RYR3: variants seen among roughly 807,000 people sequenced by gnomAD.
The protein encoded by RYR3 is ryanodine receptor 3.
A neutral mutation model predicts 584.3 loss-of-function variants in RYR3; 207 were observed. The observed-to-expected ratio is 0.35, with a 90% confidence interval of 0.32 to 0.40. RYR3 has a LOEUF of 0.40. Ranked by LOEUF, RYR3 falls within the 10% of genes least tolerant of loss-of-function variation. The pLI, the probability that RYR3 is intolerant of heterozygous loss-of-function variation, is 1.00. For missense variants in RYR3, 5,616 were observed against 6,089.2 expected (o/e 0.92, Z 2.59); for synonymous variants, 2,416 against 2,248.5 (o/e 1.07, Z -2.11).
At chr15:33,586,566 T>C (rs2058857547) in intron 16 of RYR3, among the ~76,000 whole-genome samples, 1 of 152,228 alleles carries the variant, frequency 6.6e-6, no homozygotes, top group Admixed American at 6.5e-5. Context: ...AGATTTACTA[T>C]GAGTGAAACC....
At chr15:33,819,329 A>G (rs1799202075) in intron 76 of RYR3, among the ~76,000 whole-genome samples, 2 of 152,182 alleles carry the variant, frequency 1.3e-5, no homozygotes, top group Non-Finnish European at 2.9e-5. Flanking sequence ...ACTAGTACTT[A>G]TAATTTGAGA....
intron 70 of RYR3, among the ~76,000 whole-genome samples, chr15:33,808,854 C>T (rs2076349557): frequency 2.6e-5 from 4 of 152,180 alleles, no homozygotes; most frequent in Admixed American, 2.6e-4. Flanking sequence ...CCTCCCACTG[C>T]TGTCCAAGGG....
At position 33,757,484 on chromosome 15, in the gene RYR3, C is replaced by A; in HGVS notation, c.8593C>A (p.Pro2865Thr). ...CTGGTGCGTTTCCCAGGTTCTCCTC[C>A]CGCTGGTTGACCAGTACTTCACCAG... is the stretch of plus-strand genomic sequence containing the variant. ...EIKFFAKVLL[P>T]LVDQYFTSHC... The change falls in exon 60 of 104, where the codon CCG becomes ACG. Residue 2865 changes from proline (P) to threonine (T), a missense_variant. Physicochemically the swap from Pro to Thr is conservative, Grantham distance 38 (BLOSUM62 -1). Around this residue, in one of 9 missense-constraint regions of RYR3, gnomAD observed 1,280 missense variants for 1,426.2 expected, o/e 0.90. Transcript: ENST00000634891. The A allele has an allele frequency of 1.2e-6, 2 of 1,606,938 alleles. No individual in the cohort carries two copies. Among genetic ancestry groups the A allele is most frequent in the Non-Finnish European group, 1.7e-6 (2 of 1,176,926 alleles).
chr15:33,449,642 A>G (rs1430925606), intron 1 of RYR3, among the ~76,000 whole-genome samples: 2 of 152,230 alleles, frequency 1.3e-5, no homozygotes, highest in Non-Finnish European at 2.9e-5. Context: ...CCCATGCTGA[A>G]TATAAAAATA....
At position 33,788,256 on chromosome 15, in the gene RYR3, C is replaced by T. The variant is rs1296762347; in HGVS notation, c.9628C>T (p.Leu3210=). The change falls in exon 67 of 104, where the codon CTG becomes TTG. Residue 3210 remains leucine, a synonymous_variant. Coordinates refer to ENST00000634891, the MANE Select transcript of RYR3 (RefSeq NM_001036.6). ...CATCATCAGCAAAGCCAGGCCCGACCTGCTGAGAAGCCACTTCATCCCAAC... is the reference window on the plus strand; with the variant it reads ...CATCATCAGCAAAGCCAGGCCCGACTTGCTGAGAAGCCACTTCATCCCAAC... ...QPIISKARPD[L]LRSHFIPTLE... The T allele has an allele frequency of 1.2e-6, 2 of 1,613,980 alleles. No homozygotes were observed. The highest frequency in any genetic ancestry group is 4.5e-5 in the East Asian group (2 of 44,882).
Position 33,499,173 on chromosome 15 carries a change from C to T in RYR3, c.172-4458C>T, listed in dbSNP as rs537821247. On this transcript the variant is annotated intron_variant, in intron 2 of 103. Coordinates refer to ENST00000634891, the MANE Select transcript of RYR3 (RefSeq NM_001036.6). ...ACTTCTAACCTCCCCATGCTTACTC[C>T]CCTCCCTCTCTCTCCCTCCCCTTCC... 5.3e-5 allele frequency among the ~76,000 whole-genome samples: 8 copies of T among 150,742 alleles called. No individual in the cohort carries two copies. The South Asian group carries it at 1.3e-3, about 24-fold the overall frequency.
rs146698534 is a variant in RYR3, at chr15:33,626,983, C to T, written c.2575-1488C>T. 3.9e-5 allele frequency among the ~76,000 whole-genome samples: 6 copies of T among 152,292 alleles called. No individual in the cohort carries two copies. In the East Asian group the frequency reaches 1.2e-3, roughly 29 times the overall value. Reference sequence around the variant, plus strand: ...AAAATGTGGGATTGAAGCCCCCACACAGAGTCCTCACTGGGACACTGCCTA... The same window carrying T: ...AAAATGTGGGATTGAAGCCCCCACATAGAGTCCTCACTGGGACACTGCCTA... On this transcript the variant is annotated intron_variant, in intron 20 of 103. Transcript: ENST00000634891.
At chr15:33,641,557 A>C (rs1304168252) in intron 27 of RYR3, among the ~76,000 whole-genome samples, 1 of 152,210 alleles carries the variant, frequency 6.6e-6, no homozygotes, top group Non-Finnish European at 1.5e-5. Context: ...GAGGGAGCTG[A>C]TTAAATGTAT....
At chr15:33,453,287 A>G (rs1035080252) in intron 1 of RYR3, among the ~76,000 whole-genome samples, 5 of 152,320 alleles carry the variant, frequency 3.3e-5, no homozygotes, top group East Asian at 1.9e-4. Context: ...TAGGCATTCT[A>G]TGTCGATTTA....
rs777864840 is a variant in RYR3, at chr15:33,739,998, G to A, written c.7820+3G>A. The A allele has an allele frequency of 1.2e-6, 2 of 1,613,514 alleles. No individual in the cohort carries two copies. Among genetic ancestry groups the A allele is most frequent in the Admixed American group, 1.7e-5 (1 of 60,004 alleles). On this transcript the variant is annotated splice_donor_region_variant and intron_variant, in intron 51 of 103. Coordinates refer to ENST00000634891, the MANE Select transcript of RYR3 (RefSeq NM_001036.6). ...CCAAAACCTATTAACACCATGAAGT[G>A]AGTCCAGAATCATCTCTGAGCTGGT...
At chr15:33,677,678 T>C (rs1239481977) in intron 38 of RYR3, among the ~76,000 whole-genome samples, 1 of 152,206 alleles carries the variant, frequency 6.6e-6, no homozygotes, top group Non-Finnish European at 1.5e-5. Context: ...TGTATCTGTC[T>C]GGCTAGGGAA....
At chr15:33,659,040 T>G (rs527428595) in intron 32 of RYR3, among the ~76,000 whole-genome samples, 1 of 152,338 alleles carries the variant, frequency 6.6e-6, no homozygotes, top group South Asian at 2.1e-4. Flanking sequence ...CTTTTGCCCT[T>G]CACAGAACAT....
At chr15:33,595,439 G>T (rs1302936524) in intron 16 of RYR3, among the ~76,000 whole-genome samples, 2 of 152,248 alleles carry the variant, frequency 1.3e-5, no homozygotes, top group East Asian at 1.9e-4. Context: ...TGACACAGGG[G>T]TCCATATACT....
At chr15:33,646,621 C>T in intron 29 of RYR3, 95 bp downstream of exon 29, 1 of 1,110,714 alleles carries the variant, frequency 9.0e-7, no homozygotes, top group Non-Finnish European at 1.3e-6. Context: ...AGGAACTCCA[C>T]TGATAGGGTT....
chr15:33,704,393 C>G (rs1312336533), intron 42 of RYR3, among the ~76,000 whole-genome samples: 1 of 152,072 alleles, frequency 6.6e-6, no homozygotes, highest in African/African-American at 2.4e-5. Context: ...GTGAAAATGA[C>G]CAGACCAGAG....
At chr15:33,479,209 G>A (rs2049726275) in intron 2 of RYR3, among the ~76,000 whole-genome samples, 1 of 152,088 alleles carries the variant, frequency 6.6e-6, no homozygotes. Context: ...AATTAAGATT[G>A]CATCTTTGGC....
chr15:33,515,579 T>G (rs1167401087), intron 3 of RYR3, among the ~76,000 whole-genome samples: 2 of 152,248 alleles, frequency 1.3e-5, no homozygotes, highest in Non-Finnish European at 2.9e-5. Context: ...TTTCCCCAAG[T>G]GGAGCTACCT....
At position 33,646,446 on chromosome 15, in the gene RYR3, T is replaced by C. The variant is rs1281019795; in HGVS notation, c.3861T>C (p.Tyr1287=). The C allele has an allele frequency of 1.2e-6, 2 of 1,614,006 alleles. No individual in the cohort carries two copies. The highest frequency in any genetic ancestry group is 1.1e-5 in the South Asian group (1 of 91,086). ...GTQNSNADMI[Y]CRLSMPVECH... ...AGAATAGCAATGCCGACATGATCTA[T>C]TGCCGCTTGAGCATGCCTGTCGAGT... Residue 1287 remains tyrosine, a synonymous_variant, in exon 29 of 104, where the codon TAT becomes TAC. Coordinates refer to ENST00000634891, the MANE Select transcript of RYR3 (RefSeq NM_001036.6).
chr15:33,698,120 A>G (rs2065991096), intron 40 of RYR3, 124 bp downstream of exon 40: 3 of 698,906 alleles, frequency 4.3e-6, no homozygotes, highest in Non-Finnish European at 7.9e-6. Flanking sequence ...AGGAAGGGAT[A>G]GGCACAGTGC....
Sources: gnomAD v4.1 joint callset for allele counts (sites outside exome capture counted in the v4.1 genomes callset) on GRCh38, gnomAD v4.1.1 for gene constraint, gnomAD v4.1.1 regional missense constraint, MANE v1.5 for transcripts, NCBI Gene and HGNC (gene_info 2026-07-23, HGNC 2026-07-21) for gene names.